The following KCNH5 variants were observed in gnomAD, a reference collection of about 807,000 sequenced individuals.
The protein encoded by KCNH5 is potassium voltage-gated channel subfamily H member 5, also known as voltage-gated delayed rectifier potassium channel KCNH5.
Under a neutral mutation model 96.1 loss-of-function variants are expected in KCNH5, and 46 were observed. That is an observed-to-expected ratio of 0.48 (90% CI 0.38 to 0.61). KCNH5 has a LOEUF of 0.61. Ranked by LOEUF, KCNH5 falls within the 20% of genes least tolerant of loss-of-function variation. The pLI is 0.00. For synonymous variants in KCNH5, 439 were observed against 449.8 expected, an observed-to-expected ratio of 0.98 and a Z score of 0.30; for missense variants, 907 against 1,225.8, an observed-to-expected ratio of 0.74 and a Z score of 3.88.
intron 8 of KCNH5, among the ~76,000 whole-genome samples, chr14:62,809,102 G>C (rs1305055705): frequency 6.6e-6 from 1 of 152,074 alleles, no homozygotes; most frequent in African/African-American, 2.4e-5. Context: ...TTGTTTTTCA[G>C]AGTCAAAGAA....
At chr14:62,856,317 T>C (rs1246823746) in intron 7 of KCNH5, among the ~76,000 whole-genome samples, 1 of 152,204 alleles carries the variant, frequency 6.6e-6, no homozygotes, top group East Asian at 1.9e-4. Context: ...ATATTATATT[T>C]TGTGCCCCTC....
intron 7 of KCNH5, among the ~76,000 whole-genome samples, chr14:62,916,600 A>C (rs2140104936): frequency 6.6e-6 from 1 of 152,320 alleles, no homozygotes; most frequent in Non-Finnish European, 1.5e-5. Flanking sequence ...TGATGAGAAA[A>C]AATGTCTTTT....
At chr14:63,030,405 T>C (rs1451650543) in intron 1 of KCNH5, among the ~76,000 whole-genome samples, 1 of 152,218 alleles carries the variant, frequency 6.6e-6, no homozygotes, top group African/African-American at 2.4e-5. Flanking sequence ...CATTCAAGAC[T>C]ATGCAGTATC....
intron 7 of KCNH5, among the ~76,000 whole-genome samples, chr14:62,924,941 T>C (rs1785911317): frequency 6.6e-6 from 1 of 151,964 alleles, no homozygotes; most frequent in Non-Finnish European, 1.5e-5. Flanking sequence ...GCTAAGAAAG[T>C]AGATCTTAAG....
At chr14:62,742,629 C>T (rs1315813984) in intron 10 of KCNH5, among the ~76,000 whole-genome samples, 1 of 152,214 alleles carries the variant, frequency 6.6e-6, no homozygotes, top group Non-Finnish European at 1.5e-5. Flanking sequence ...TCGCTTTAAA[C>T]ACGTCTTTAA....
At chr14:62,825,308 T>G (rs574782414) in intron 8 of KCNH5, among the ~76,000 whole-genome samples, 1 of 152,250 alleles carries the variant, frequency 6.6e-6, no homozygotes, top group East Asian at 1.9e-4. Context: ...TGTTTTTGAC[T>G]TTTTAATTAT....
At chr14:63,006,865 C>G (rs1053420955) in intron 2 of KCNH5, among the ~76,000 whole-genome samples, 1 of 152,206 alleles carries the variant, frequency 6.6e-6, no homozygotes, top group African/African-American at 2.4e-5. Flanking sequence ...TTGGAAACAG[C>G]ACGGCTGTTA....
chr14:62,901,216 A>G (rs1447208976), intron 7 of KCNH5, among the ~76,000 whole-genome samples: 9 of 151,738 alleles, frequency 5.9e-5, no homozygotes, highest in African/African-American at 1.9e-4. Flanking sequence ...ATTTATTTTC[A>G]TTTATTTATT....
intron 8 of KCNH5, among the ~76,000 whole-genome samples, chr14:62,825,080 G>A (rs750805619): frequency 6.6e-5 from 10 of 152,052 alleles, no homozygotes; most frequent in Non-Finnish European, 1.3e-4. Context: ...GGGTGTACGT[G>A]TCTTTTCAGT....
In KCNH5 at chr14:62,806,979, G is replaced by A. The variant is rs761263236; in HGVS notation, c.1570-4398C>T. 1.4e-4 allele frequency among the ~76,000 whole-genome samples: 22 copies of A among 152,258 alleles called. No homozygotes were observed. The South Asian group carries it at 1.5e-3, about 10-fold the overall frequency. ...GGGAAACTTGAGAGCTGACAGGATTGCTGGAAAAGATCCCTTTGCTACCAA... is the reference window on the plus strand; with the variant it reads ...GGGAAACTTGAGAGCTGACAGGATTACTGGAAAAGATCCCTTTGCTACCAA... On this transcript the variant is annotated intron_variant, in intron 8 of 10. Transcript: ENST00000322893.
intron 8 of KCNH5, among the ~76,000 whole-genome samples, chr14:62,807,821 C>T (rs556648184): frequency 2.3e-4 from 35 of 152,124 alleles, no homozygotes; most frequent in African/African-American, 7.5e-4. Flanking sequence ...GTGTAAGCTG[C>T]GAAAGGATTT....
rs148200469 is a variant in KCNH5 at position 62,707,586 on chromosome 14, G to C, written c.2889C>G (p.Pro963=). ...TAAAAATATCCTGACATGGTATCTG[G>C]GGGGGTACTTGGAGTGGCATTTGGG... ...PKSQMPLQVP[P]QIPCQDIFSV... Residue 963 remains proline (P), a synonymous_variant, in exon 11 of 11, where the codon CCC becomes CCG. Coordinates refer to ENST00000322893, the MANE Select transcript of KCNH5 (RefSeq NM_139318.5). 7 of 1,531,356 alleles carry C rather than the reference G, an allele frequency of 4.6e-6. No homozygotes were observed. In the South Asian group the frequency reaches 9.2e-5, roughly 20 times the overall value. 94.9% of individuals were successfully genotyped at this position (1,531,356 alleles called of 1,614,324 possible).
intron 7 of KCNH5, among the ~76,000 whole-genome samples, chr14:62,892,339 C>A (rs1442809945): frequency 2.6e-5 from 4 of 152,176 alleles, no homozygotes; most frequent in Non-Finnish European, 5.9e-5. Context: ...CAGAGCAAGG[C>A]TCTAACTCTC....
intron 6 of KCNH5, among the ~76,000 whole-genome samples, chr14:62,979,382 T>C (rs1199693357): frequency 4.6e-5 from 7 of 152,022 alleles, no homozygotes; most frequent in Admixed American, 3.3e-4. Context: ...TATAAAGTAA[T>C]AATTACATAC....
intron 10 of KCNH5, among the ~76,000 whole-genome samples, chr14:62,736,130 A>G (rs1885151022): frequency 6.6e-6 from 1 of 152,142 alleles, no homozygotes; most frequent in Non-Finnish European, 1.5e-5. Flanking sequence ...GCAATTCCCA[A>G]TGCTTGGGTT....
chr14:62,822,161 A>G (rs1421836011), intron 8 of KCNH5, among the ~76,000 whole-genome samples: 22 of 152,186 alleles, frequency 1.4e-4, no homozygotes, highest in Non-Finnish European at 1.5e-5. Flanking sequence ...ATGTTAATAA[A>G]TTGGAAGGCC....
intron 4 of KCNH5, among the ~76,000 whole-genome samples, chr14:62,988,248 T>G (rs1220496491): frequency 6.6e-6 from 1 of 152,088 alleles, no homozygotes; most frequent in Non-Finnish European, 1.5e-5. Flanking sequence ...TTAAAAAATT[T>G]TATTAACACT....
intron 7 of KCNH5, among the ~76,000 whole-genome samples, chr14:62,879,005 C>T (rs75462655): frequency 0.027 from 4,109 of 152,046 alleles, 59 homozygotes; most frequent in Middle Eastern, 0.054. Context: ...CTGGGAACTT[C>T]GATGTAGGAA....
chr14:62,822,037 G>T (rs1441582029), intron 8 of KCNH5, among the ~76,000 whole-genome samples: 1 of 152,058 alleles, frequency 6.6e-6, no homozygotes, highest in African/African-American at 2.4e-5. Flanking sequence ...TGTGTCCACA[G>T]AAAATGAAAT....
Sources: allele counts gnomAD v4.1 joint callset (sites outside exome capture counted in the v4.1 genomes callset), GRCh38; gene constraint gnomAD v4.1.1; transcripts MANE v1.5; gene names NCBI Gene and HGNC (gene_info 2026-07-23, HGNC 2026-07-21).